DLK1: variants seen among roughly 807,000 people sequenced by gnomAD.
DLK1 encodes delta like non-canonical Notch ligand 1.
A neutral mutation model predicts 35.2 loss-of-function variants in DLK1; 9 were observed. The ratio of observed to expected loss-of-function variants is 0.26; its 90% CI spans 0.15 to 0.45. DLK1 has a LOEUF of 0.45. Ranked by LOEUF, DLK1 falls within the 20% of genes least tolerant of loss-of-function variation. The pLI, the probability that DLK1 is intolerant of heterozygous loss-of-function variation, is 1.00. For missense variants in DLK1, 522 were observed against 528.5 expected (o/e 0.99, Z 0.12); for synonymous variants, 231 against 228.4 (o/e 1.01, Z -0.10).
intron 3 of DLK1, among the ~76,000 whole-genome samples, chr14:100,731,435 C>T (rs2036505516): frequency 6.6e-6 from 1 of 152,164 alleles, no homozygotes; most frequent in African/African-American, 2.4e-5. Context: ...CCAGGGACCC[C>T]TTGAGTTCAG....
In DLK1 at chr14:100,732,073, C is replaced by T. The variant is rs2036515035; in HGVS notation, c.294C>T (p.Ala98=). The T allele has an allele frequency of 6.2e-7, 1 of 1,613,970 alleles. No individual in the cohort carries two copies. Among genetic ancestry groups the T allele is most frequent in the African/African-American group, 1.3e-5 (1 of 75,056 alleles). The stretch of plus-strand genomic sequence containing the variant: ...GGGCCTGCTCCTCGGCCCCCTGTGC[C>T]AACAACAGGACCTGCGTGAGCCTGG... ...DVRACSSAPC[A]NNRTCVSLDD... Residue 98 remains alanine, a synonymous_variant, in exon 4 of 5, where the codon GCC becomes GCT. Coordinates refer to ENST00000341267, the MANE Select transcript of DLK1 (RefSeq NM_003836.7).
chr14:100,730,898 G>A (rs1305166034), intron 3 of DLK1, among the ~76,000 whole-genome samples: 1 of 152,172 alleles, frequency 6.6e-6, no homozygotes, highest in South Asian at 2.1e-4. Flanking sequence ...CCCTCCACGA[G>A]GGTGTGGGTC....
chr14:100,728,497 C>T (rs370957942), intron 2 of DLK1, 38 bp downstream of exon 2: 44 of 1,610,204 alleles, frequency 2.7e-5, no homozygotes, highest in Non-Finnish European at 3.6e-5. Flanking sequence ...TTGTAGGGGC[C>T]ACGCAGAAGC....
chr14:100,727,001 C>T lies in DLK1; in HGVS notation c.-68C>T. Reference sequence around the variant, plus strand: ...CCTTTCGCGTCCGCAACCAGAAGCCCAGTGCGGCGCCAGGAGCCGGACCCG... The same window carrying T: ...CCTTTCGCGTCCGCAACCAGAAGCCTAGTGCGGCGCCAGGAGCCGGACCCG... On this transcript the variant is annotated 5_prime_UTR_variant, in exon 1 of 5. Coordinates refer to ENST00000341267, the MANE Select transcript of DLK1 (RefSeq NM_003836.7). 5 of 1,447,862 alleles carry T rather than the reference C, an allele frequency of 3.5e-6. No homozygotes were observed. The highest frequency in any genetic ancestry group is 2.7e-6 in the Non-Finnish European group (3 of 1,094,898). The allele number at this position is 1,447,862 out of a possible 1,614,324, so 89.7% of individuals were successfully genotyped here. A position where few individuals can be genotyped will look rare whatever the true frequency, so the allele number is the denominator to read the frequency against.
intron 2 of DLK1, 89 bp from the exon 3 acceptor site, chr14:100,728,847 G>C (rs1050544789): frequency 1.9e-6 from 3 of 1,539,018 alleles, no homozygotes; most frequent in Admixed American, 1.7e-5. Flanking sequence ...GACCCCCAAG[G>C]GTCCTTGGTT....
intron 3 of DLK1, among the ~76,000 whole-genome samples, chr14:100,730,938 G>A (rs1172649567): frequency 1.3e-5 from 2 of 152,128 alleles, no homozygotes; most frequent in Non-Finnish European, 2.9e-5. Flanking sequence ...ATACGCACAT[G>A]TGTGGCCTCA....
In DLK1 at chr14:100,735,997, C is replaced by T. The variant is rs2036568431; in HGVS notation, c.*1101C>T. 1 of 152,098 alleles carries T rather than the reference C, an allele frequency of 6.6e-6. No homozygotes were observed. Among genetic ancestry groups the T allele is most frequent in the Non-Finnish European group, 1.5e-5 (1 of 68,048 alleles). The allele number at this position is 152,098 out of a possible 1,614,324, so 9.4% of individuals were successfully genotyped here. On this transcript the variant is annotated 3_prime_UTR_variant, in exon 5 of 5. Coordinates refer to ENST00000341267, the MANE Select transcript of DLK1 (RefSeq NM_003836.7). ...AATCTGAGCAGCAACACAGCCCTCACCAAGGTTTTCACAGGGATTAGTGGA... is the reference window on the plus strand; with the variant it reads ...AATCTGAGCAGCAACACAGCCCTCATCAAGGTTTTCACAGGGATTAGTGGA...
rs572474541 is a variant in DLK1, at chr14:100,729,687, A to G, written c.262+621A>G. 6.6e-5 allele frequency among the ~76,000 whole-genome samples: 10 copies of G among 152,260 alleles called. 1 individual carries two copies. In the East Asian group the frequency reaches 1.9e-3, roughly 29 times the overall value. ...TCTGTTGATTTCATTAATTTATGCA[A>G]TCTTTGCCTCCATTACCCCAAGCAA... On this transcript the variant is annotated intron_variant, in intron 3 of 4. Coordinates refer to ENST00000341267, the MANE Select transcript of DLK1 (RefSeq NM_003836.7).
In DLK1 at chr14:100,732,166, G is replaced by T. The variant is rs2036517351; in HGVS notation, c.387G>T (p.Gly129=). The T allele has an allele frequency of 6.2e-7, 1 of 1,613,120 alleles. No individual in the cohort carries two copies. The highest frequency in any genetic ancestry group is 8.5e-7 in the Non-Finnish European group (1 of 1,179,762). The change falls in exon 4 of 5, where the codon GGG becomes GGT. Residue 129 remains glycine (G), a synonymous_variant. Transcript: ENST00000341267. ...YSGKDCQKKD[G]PCVINGSPCQ... ...GAAAGGACTGCCAGAAAAAGGACGG[G>T]CCCTGTGTGATCAACGGGTAAATAT... is the stretch of plus-strand genomic sequence containing the variant.
At chr14:100,730,775 A>G (rs942022422) in intron 3 of DLK1, among the ~76,000 whole-genome samples, 1 of 152,212 alleles carries the variant, frequency 6.6e-6, no homozygotes, top group Non-Finnish European at 1.5e-5. Context: ...GCCGTCCCGT[A>G]AAGATAAATC....
chr14:100,729,746 C>T (rs765397141), intron 3 of DLK1, among the ~76,000 whole-genome samples: 8 of 152,170 alleles, frequency 5.3e-5, no homozygotes, highest in Non-Finnish European at 8.8e-5. Context: ...TTTCAGGCTG[C>T]GAAATGTTCG....
rs1278304099 is a variant in DLK1, at chr14:100,734,046, C to T, written c.405-103C>T. 1.4e-6 allele frequency: 2 copies of T among 1,414,674 alleles called. No individual in the cohort carries two copies. The highest frequency in any genetic ancestry group is 1.9e-6 in the Non-Finnish European group (2 of 1,062,724). 87.6% of individuals were successfully genotyped at this position (1,414,674 alleles called of 1,614,324 possible). ...TCACCTGATGTGTTTTAAGCACCTG[C>T]CCCTTAGTCAGGCCAGGGACCTTCT... On this transcript the variant is annotated intron_variant, in intron 4 of 4. Coordinates refer to ENST00000341267, the MANE Select transcript of DLK1 (RefSeq NM_003836.7). The surrounding 1 kb of genome is among the most constrained non-coding windows in gnomAD (Gnocchi z 7.4).
At position 100,737,454 on chromosome 14, in the gene DLK1, C is replaced by T. The variant is rs1399817310; in HGVS notation, c.*2558C>T. On this transcript the variant is annotated 3_prime_UTR_variant, in exon 5 of 5. Transcript: ENST00000341267. ...CAGATGATCAAATTATCTATGTTTT[C>T]GATCTTGATGCTATAGAGAACAGCC... The T allele has an allele frequency of 6.6e-6, 1 of 151,976 alleles. No individual in the cohort carries two copies. Among genetic ancestry groups the T allele is most frequent in the Non-Finnish European group, 1.5e-5 (1 of 68,020 alleles). The allele number at this position is 151,976 out of a possible 1,614,324, so 9.4% of individuals were successfully genotyped here.
chr14:100,734,537 G>C lies in DLK1; in HGVS notation c.793G>C (p.Ala265Pro). 2 of 1,612,500 alleles carry C rather than the reference G, an allele frequency of 1.2e-6. No individual in the cohort carries two copies. The highest frequency in any genetic ancestry group is 1.7e-6 in the Non-Finnish European group (2 of 1,179,498). ...VTRLPSGYGL[A>P]YRLTPGVHEL... is the part of the protein sequence containing the mutation. ...CCGTCTGCCCAGCGGCTATGGGCTGGCCTACCGCCTGACCCCTGGGGTGCA... is the reference window on the plus strand; with the variant it reads ...CCGTCTGCCCAGCGGCTATGGGCTGCCCTACCGCCTGACCCCTGGGGTGCA... Residue 265 changes from alanine (A) to proline (P), a missense_variant, in exon 5 of 5, where the codon GCC (alanine) becomes CCC (proline). Ala to Pro is a conservative substitution (Grantham distance 27). Transcript: ENST00000341267. This position sits in a 1 kb window ranked among gnomAD's most constrained non-coding sequence, Gnocchi z 7.4.
chr14:100,732,257 C>T, intron 4 of DLK1, 74 bp downstream of exon 4: 1 of 1,538,258 alleles, frequency 6.5e-7, no homozygotes, highest in South Asian at 1.3e-5. Context: ...TTCAGCCTAA[C>T]CCTGCTGGAC....
intron 3 of DLK1, among the ~76,000 whole-genome samples, chr14:100,731,308 C>T (rs1024775047): frequency 6.6e-6 from 1 of 152,066 alleles, no homozygotes; most frequent in African/African-American, 2.4e-5. Context: ...ATGAAGTGTG[C>T]GTGATGGAAG....
At chr14:100,729,171 A>G (rs949886895) in intron 3 of DLK1, 105 bp downstream of exon 3, 2 of 1,556,146 alleles carry the variant, frequency 1.3e-6, no homozygotes, top group African/African-American at 1.4e-5. Context: ...TCACTTCCTC[A>G]TTCCTGCACA....
chr14:100,729,211 T>G, intron 3 of DLK1, 145 bp downstream of exon 3: 3 of 1,437,142 alleles, frequency 2.1e-6, no homozygotes, highest in East Asian at 4.9e-5. Context: ...AAGATCTGTT[T>G]ATAAATTTCC....
chr14:100,726,892 G>T lies in DLK1; in HGVS notation c.-177G>T. ...AAAGGGCGGCGCGCGCGGCGGCGGC[G>T]GCAGCTCCCCGGCAGCGGCGGTGGA... is the stretch of plus-strand genomic sequence containing the variant. On this transcript the variant is annotated 5_prime_UTR_variant, in exon 1 of 5. Transcript: ENST00000341267. The surrounding 1 kb of genome is among the most constrained non-coding windows in gnomAD (Gnocchi z 4.2). The T allele has an allele frequency of 2.4e-6, 1 of 414,958 alleles. No homozygotes were observed. Among genetic ancestry groups the T allele is most frequent in the South Asian group, 1.1e-4 (1 of 9,170 alleles). The allele number at this position is 414,958 out of a possible 1,614,324, so 25.7% of individuals were successfully genotyped here. A position where few individuals can be genotyped will look rare whatever the true frequency, so the allele number is the denominator to read the frequency against.
Sources: allele counts gnomAD v4.1 joint callset (sites outside exome capture counted in the v4.1 genomes callset), GRCh38; gene constraint gnomAD v4.1.1; non-coding constraint Gnocchi (gnomAD v3.1); transcripts MANE v1.5; gene names NCBI Gene and HGNC (gene_info 2026-07-23, HGNC 2026-07-21).